Variants in TBX20 observed in about 807,000 individuals in gnomAD.
TBX20 encodes the protein T-box transcription factor 20, also known as T-box transcription factor TBX20.
TBX20 carries 8 observed loss-of-function variants against 42.9 expected under a neutral mutation model. The ratio of observed to expected loss-of-function variants is 0.19; its 90% confidence interval spans 0.11 to 0.34. TBX20 has a LOEUF of 0.34. Among genes scored for constraint, TBX20 ranks in the 10% least tolerant of loss-of-function variants. The probability of loss-of-function intolerance (pLI) is 1.00; values close to 1 mark genes in which losing one functional copy is unlikely to be tolerated. For synonymous variants in TBX20, 198 were observed against 222.8 expected, an observed-to-expected ratio of 0.89 and a Z score of 0.99; for missense variants, 411 against 566.0, an observed-to-expected ratio of 0.73 and a Z score of 2.78.
chr7:35,246,839 A>AT (rs1334591937), intron 3 of TBX20, among the ~76,000 whole-genome samples: 1 of 152,104 alleles, frequency 6.6e-6, no homozygotes, highest in Non-Finnish European at 1.5e-5. Context: ...TAAATTATCT[A>AT]TTTTTTATCC....
chr7:35,228,949 C>A (rs1174582009), intron 6 of TBX20, among the ~76,000 whole-genome samples: 1 of 152,114 alleles, frequency 6.6e-6, no homozygotes, highest in Non-Finnish European at 1.5e-5. Context: ...CATTCAAGTA[C>A]CTCAATGGGA....
intron 3 of TBX20, among the ~76,000 whole-genome samples, chr7:35,246,999 A>G (rs1464501670): frequency 6.6e-6 from 1 of 152,060 alleles, no homozygotes; most frequent in Non-Finnish European, 1.5e-5. Context: ...AAGATAGTGT[A>G]TTGGTACACA....
rs1396342175 is a variant in TBX20, at chr7:35,245,053, A to G, written c.550T>C (p.Tyr184His). The G allele has an allele frequency of 6.2e-7, 1 of 1,610,634 alleles. No homozygotes were observed. The highest frequency in any genetic ancestry group is 1.1e-5 in the South Asian group (1 of 90,846). ...KADPPLPARLYVHPDSPFTGE... is the reference protein window; with the variant it reads ...KADPPLPARLHVHPDSPFTGE... ...GTAAAAGGAGAATCTGGATGCACAT[A>G]GAGCCTAAGAAAATTAGGAGAAAAC... The change falls in exon 4 of 8, where the codon TAT becomes CAT. Residue 184 changes from tyrosine (Y) to histidine (H), a missense_variant. Physicochemically the swap from Tyr to His is moderately conservative, Grantham distance 83. Coordinates refer to ENST00000408931, the MANE Select transcript of TBX20 (RefSeq NM_001077653.2).
chr7:35,233,691 C>T (rs1289467284), intron 5 of TBX20, among the ~76,000 whole-genome samples: 10 of 152,190 alleles, frequency 6.6e-5, no homozygotes, highest in South Asian at 4.1e-4. Context: ...ATACAGTCTA[C>T]GATTACAAAT....
intron 6 of TBX20, among the ~76,000 whole-genome samples, chr7:35,222,134 G>T (rs1449152018): frequency 2.0e-5 from 3 of 152,030 alleles, no homozygotes; most frequent in East Asian, 1.9e-4. Flanking sequence ...AACTAAACTG[G>T]GTTTAAGGTT....
chr7:35,228,476 A>G (rs539474908), intron 6 of TBX20, among the ~76,000 whole-genome samples: 2 of 152,234 alleles, frequency 1.3e-5, no homozygotes, highest in African/African-American at 2.4e-5. Context: ...CTGCTTTTTT[A>G]TGCTTTTTCT....
chr7:35,226,086 T>A (rs553343068), intron 6 of TBX20, among the ~76,000 whole-genome samples: 1 of 152,186 alleles, frequency 6.6e-6, no homozygotes, highest in African/African-American at 2.4e-5. Context: ...TAAAGTTGTA[T>A]GTCTATTTTA....
At chr7:35,214,246 A>G (rs1326431617) in intron 6 of TBX20, among the ~76,000 whole-genome samples, 2 of 152,168 alleles carry the variant, frequency 1.3e-5, no homozygotes, top group Non-Finnish European at 2.9e-5. Context: ...TGGTCCAAAC[A>G]GGATTTTTCT....
chr7:35,231,119 C>G (rs1312562945), intron 6 of TBX20, among the ~76,000 whole-genome samples: 1 of 152,202 alleles, frequency 6.6e-6, no homozygotes, highest in African/African-American at 2.4e-5. Context: ...CCCTTACACT[C>G]TTTGTGTTAG....
At chr7:35,207,175 C>G (rs1789414662) in intron 6 of TBX20, among the ~76,000 whole-genome samples, 1 of 152,144 alleles carries the variant, frequency 6.6e-6, no homozygotes, top group Non-Finnish European at 1.5e-5. Flanking sequence ...TCACTGATGC[C>G]TGATATGGTC....
At chr7:35,247,492 G>C (rs773147496) in intron 3 of TBX20, among the ~76,000 whole-genome samples, 8 of 152,076 alleles carry the variant, frequency 5.3e-5, no homozygotes, top group Admixed American at 1.3e-4. Context: ...AACTCTGAGA[G>C]ATTGCTTTTA....
chr7:35,220,600 CAATCTA>C (rs1257386984), intron 6 of TBX20, among the ~76,000 whole-genome samples: 2 of 152,218 alleles, frequency 1.3e-5, no homozygotes, highest in Non-Finnish European at 2.9e-5. Flanking sequence ...GCCCCTTCTT[CAATCTA>C]TACCTGGAAG....
rs1347307310 is a variant in TBX20, at chr7:35,235,281, T to A, written c.814-3701A>T. 5.5e-5 allele frequency among the ~76,000 whole-genome samples: 7 copies of A among 127,392 alleles called. No homozygotes were observed. The Admixed American group carries it at 6.3e-4, about 11-fold the overall frequency. The allele number at this position is 127,392 out of a possible 152,430, so 83.6% of individuals were successfully genotyped here. On this transcript the variant is annotated intron_variant, in intron 5 of 7. Coordinates refer to ENST00000408931, the MANE Select transcript of TBX20 (RefSeq NM_001077653.2). ...TAGTTTTACATCTCTTTATGAAATT[T>A]GGGATAACTGAAAAAAAAAAAAACA...
chr7:35,240,850 AG>A lies in TBX20; in HGVS notation c.813+28del, dbSNP rs756014384. ...AACCTCCTAAATCCTTCTCTTATGC[AG>A]GAACTAAATTGTGAACTGTACACTC... is the stretch of plus-strand genomic sequence containing the variant. On this transcript the variant is annotated intron_variant, in intron 5 of 7. Coordinates refer to ENST00000408931, the MANE Select transcript of TBX20 (RefSeq NM_001077653.2). 4.4e-6 allele frequency: 7 copies of A among 1,606,178 alleles called. No individual in the cohort carries two copies. The East Asian group carries it at 1.1e-4, about 26-fold the overall frequency.
chr7:35,213,131 T>A (rs1006311258), intron 6 of TBX20, among the ~76,000 whole-genome samples: 8 of 152,214 alleles, frequency 5.3e-5, no homozygotes, highest in African/African-American at 1.9e-4. Context: ...CCCTCAGAGA[T>A]TATTGTCTTT....
chr7:35,239,315 C>G (rs570730688), intron 5 of TBX20, among the ~76,000 whole-genome samples: 104 of 152,304 alleles, frequency 6.8e-4, no homozygotes, highest in Non-Finnish European at 1.3e-3. Context: ...TCTGAGCCAT[C>G]TACCAGGCAG....
chr7:35,237,137 G>A (rs1789981756), intron 5 of TBX20, among the ~76,000 whole-genome samples: 2 of 152,140 alleles, frequency 1.3e-5, no homozygotes, highest in African/African-American at 4.8e-5. Flanking sequence ...TCACTTACCA[G>A]ATTTGTGACC....
At chr7:35,228,650 A>G (rs1789816997) in intron 6 of TBX20, among the ~76,000 whole-genome samples, 1 of 152,148 alleles carries the variant, frequency 6.6e-6, no homozygotes, top group African/African-American at 2.4e-5. Flanking sequence ...TACTGGACAA[A>G]GTGAACCGCA....
At chr7:35,239,838 G>A (rs1323089016) in intron 5 of TBX20, among the ~76,000 whole-genome samples, 15 of 151,740 alleles carry the variant, frequency 9.9e-5, no homozygotes, top group African/African-American at 3.1e-4. Flanking sequence ...TGCAACCCCC[G>A]CCTCCCAGGT....
Sources: allele counts gnomAD v4.1 joint callset (sites outside exome capture counted in the v4.1 genomes callset), GRCh38; gene constraint gnomAD v4.1.1; transcripts MANE v1.5; gene names NCBI Gene and HGNC (gene_info 2026-07-23, HGNC 2026-07-21).